Variants in BTBD7 observed in about 807,000 individuals in gnomAD.
The protein encoded by BTBD7 is BTB/POZ domain-containing protein 7.
A neutral mutation model predicts 99.9 loss-of-function variants in BTBD7; 38 were observed. The observed-to-expected ratio is 0.38, with a 90% CI of 0.29 to 0.50. The LOEUF is 0.50. Among genes scored for constraint, BTBD7 ranks in the 20% least tolerant of loss-of-function variants. BTBD7 has a pLI of 0.93. For missense variants in BTBD7, 1,170 were observed against 1,394.6 expected (o/e 0.84, Z 2.57); for synonymous variants, 520 against 511.4 (o/e 1.02, Z -0.23).
At chr14:93,304,898 T>C (rs1232614716) in intron 1 of BTBD7, among the ~76,000 whole-genome samples, 2 of 152,168 alleles carry the variant, frequency 1.3e-5, no homozygotes, top group Non-Finnish European at 2.9e-5. Flanking sequence ...GGGTGAACCC[T>C]AGAGTAAGCC....
chr14:93,298,902 A>C (rs2052960688), intron 1 of BTBD7, among the ~76,000 whole-genome samples: 1 of 152,212 alleles, frequency 6.6e-6, no homozygotes, highest in Non-Finnish European at 1.5e-5. Context: ...TTGCTGCTAC[A>C]ATAAGCAGTA....
chr14:93,252,880 G>T (rs1052777193), intron 7 of BTBD7, among the ~76,000 whole-genome samples: 1 of 151,666 alleles, frequency 6.6e-6, no homozygotes, highest in Admixed American at 6.6e-5. Context: ...GGAGTGCAGT[G>T]GCACAATCAC....
intron 5 of BTBD7, among the ~76,000 whole-genome samples, chr14:93,260,904 CTTTTT>C (rs570324173): frequency 6.8e-6 from 1 of 147,062 alleles, no homozygotes; most frequent in African/African-American, 2.5e-5. Context: ...TATTTGTACT[CTTTTT>C]TTTTTTGAGT....
intron 10 of BTBD7, among the ~76,000 whole-genome samples, chr14:93,244,671 G>A (rs1047977655): frequency 6.6e-6 from 1 of 151,606 alleles, no homozygotes; most frequent in African/African-American, 2.4e-5. Flanking sequence ...AGAAATAAAT[G>A]AATAAATAAA....
chr14:93,316,356 T>A (rs1043591359), intron 1 of BTBD7, among the ~76,000 whole-genome samples: 3 of 152,074 alleles, frequency 2.0e-5, no homozygotes, highest in African/African-American at 7.3e-5. Flanking sequence ...TTCAAACTCC[T>A]GGGCTCAAGT....
At chr14:93,296,419 AG>A (rs1163194950) in intron 1 of BTBD7, among the ~76,000 whole-genome samples, 1 of 152,256 alleles carries the variant, frequency 6.6e-6, no homozygotes, top group African/African-American at 2.4e-5. Flanking sequence ...ATATAGTTAC[AG>A]GAAGAGTATT....
intron 1 of BTBD7, among the ~76,000 whole-genome samples, chr14:93,322,443 A>C (rs1595343435): frequency 6.6e-6 from 1 of 152,280 alleles, no homozygotes; most frequent in East Asian, 1.9e-4. Context: ...AAAAACATAC[A>C]CTATATGCTT....
chr14:93,314,916 A>G (rs1396001878), intron 1 of BTBD7, among the ~76,000 whole-genome samples: 1 of 152,126 alleles, frequency 6.6e-6, no homozygotes, highest in Non-Finnish European at 1.5e-5. Flanking sequence ...CCATTTTTCT[A>G]TTTGGCTGTT....
chr14:93,301,195 T>A (rs78391208), intron 1 of BTBD7, among the ~76,000 whole-genome samples: 4 of 142,060 alleles, frequency 2.8e-5, no homozygotes, highest in Admixed American at 7.0e-5. Flanking sequence ...TCTTTCCAAA[T>A]TTTTTTTTTT....
chr14:93,304,543 G>A (rs1409113496), intron 1 of BTBD7, among the ~76,000 whole-genome samples: 1 of 152,048 alleles, frequency 6.6e-6, no homozygotes, highest in Admixed American at 6.5e-5. Flanking sequence ...GTAGAGATGA[G>A]GTTTCACCAT....
intron 1 of BTBD7, among the ~76,000 whole-genome samples, chr14:93,318,714 A>T (rs576401208): frequency 6.6e-6 from 1 of 152,356 alleles, no homozygotes; most frequent in East Asian, 1.9e-4. Flanking sequence ...TGAGGTTTAC[A>T]TCAAACTGAG....
chr14:93,242,116 G>A lies in BTBD7; in HGVS notation c.*157C>T. On this transcript the variant is annotated 3_prime_UTR_variant, in exon 11 of 11. Coordinates refer to ENST00000334746, the MANE Select transcript of BTBD7 (RefSeq NM_001002860.4). ...AAAAAAAACAAAACCTTCTTAGCAT[G>A]CCATGTCTAATAAACACATATATAC... 1.6e-6 allele frequency: 1 copy of A among 613,526 alleles called. No homozygotes were observed. The highest frequency in any genetic ancestry group is 2.7e-6 in the Non-Finnish European group (1 of 363,748). The allele number at this position is 613,526 out of a possible 1,614,324, so 38.0% of individuals were successfully genotyped here. A position where few individuals can be genotyped will look rare whatever the true frequency, so the allele number is the denominator to read the frequency against.
chr14:93,246,427 C>A (rs1378568177), intron 9 of BTBD7, 141 bp from the exon 10 acceptor site: 1 of 997,420 alleles, frequency 1.0e-6, no homozygotes, highest in Non-Finnish European at 1.4e-6. Context: ...TTTTTCTAGG[C>A]CAGAAGCCCA....
rs961842817 is a variant in BTBD7, at chr14:93,242,555, A to C, written c.3117T>G (p.Phe1039Leu). ...VVEQPPQRSD[F>L]PLAAPENAST... is the part of the protein sequence containing the mutation. ...TAGCATTTTCTGGGGCTGCCAAAGG[A>C]AAGTCTGACCGCTGGGGAGGTTGCT... Residue 1039 changes from phenylalanine to leucine, a missense_variant, in exon 11 of 11, where the codon TTT (phenylalanine) becomes TTG (leucine). Around this residue, in one of 4 missense-constraint regions of BTBD7, gnomAD observed 495 missense variants for 525.9 expected, o/e 0.94. Transcript: ENST00000334746. 9 of 1,614,062 alleles carry C rather than the reference A, an allele frequency of 5.6e-6. No individual in the cohort carries two copies. In the African/African-American group the frequency reaches 8.0e-5, roughly 14 times the overall value.
At chr14:93,297,321 A>G (rs2052941318) in intron 1 of BTBD7, among the ~76,000 whole-genome samples, 1 of 152,190 alleles carries the variant, frequency 6.6e-6, no homozygotes, top group East Asian at 1.9e-4. Context: ...CTATATTTAT[A>G]TGAAAATTAA....
chr14:93,290,986 A>ATTT (rs2052846175), intron 3 of BTBD7, among the ~76,000 whole-genome samples: 1 of 106,264 alleles, frequency 9.4e-6, no homozygotes, highest in Non-Finnish European at 1.9e-5. Context: ...TGCTAGGCCT[A>ATTT]GTTTTTTTTT....
intron 1 of BTBD7, 95 bp downstream of exon 1, chr14:93,332,725 A>AC: frequency 3.7e-6 from 5 of 1,341,572 alleles, no homozygotes; most frequent in Non-Finnish European, 4.8e-6. Flanking sequence ...CGGCGCCCCC[A>AC]CGCCTAAGAA....
At chr14:93,272,574 C>CCTA (rs2052611859) in intron 3 of BTBD7, among the ~76,000 whole-genome samples, 1 of 152,180 alleles carries the variant, frequency 6.6e-6, no homozygotes, top group South Asian at 2.1e-4. Flanking sequence ...TGAAAAGCTT[C>CCTA]CTACTGTCTC....
In BTBD7 at chr14:93,269,222, T is replaced by A. The variant is rs17128971; in HGVS notation, c.1163-5229A>T. Among the ~76,000 whole-genome samples the A allele has an allele frequency of 5.3e-3, 811 of 152,322 alleles. 4 individuals are homozygous for A. The highest frequency in any genetic ancestry group is 8.8e-3 in the Non-Finnish European group (597 of 68,028). On this transcript the variant is annotated intron_variant, in intron 3 of 10. Transcript: ENST00000334746. Reference sequence around the variant, plus strand: ...TGGAATGTTGGTAAAAAGAGATTTATCTTATAATGTCAAAATTAATGTTTT... The same window carrying A: ...TGGAATGTTGGTAAAAAGAGATTTAACTTATAATGTCAAAATTAATGTTTT...
Sources: gnomAD v4.1 joint callset for allele counts (sites outside exome capture counted in the v4.1 genomes callset) on GRCh38, gnomAD v4.1.1 for gene constraint, gnomAD v4.1.1 regional missense constraint, MANE v1.5 for transcripts, NCBI Gene and HGNC (gene_info 2026-07-23, HGNC 2026-07-21) for gene names.